The following SAMMSON variants were observed in gnomAD, a reference collection of about 807,000 sequenced individuals.
The protein encoded by SAMMSON is long intergenic non-protein coding RNA 1212.
chr3:70,418,855 TTA>T (rs1399456471), intron 2 of SAMMSON, among the ~76,000 whole-genome samples: 1 of 152,152 alleles, frequency 6.6e-6, no homozygotes, highest in Non-Finnish European at 1.5e-5. Context: ...GTCAAAAATA[TTA>T]TCTTTTTTGA....
chr3:70,018,221 T>C (rs1450549302), intron 3 of SAMMSON, among the ~76,000 whole-genome samples: 1 of 152,178 alleles, frequency 6.6e-6, no homozygotes, highest in Admixed American at 6.5e-5. Flanking sequence ...TTCTGGACTT[T>C]TTTTGTTGGT....
chr3:70,359,193 T>C (rs1195303129), intron 9 of SAMMSON, among the ~76,000 whole-genome samples: 1 of 152,150 alleles, frequency 6.6e-6, no homozygotes, highest in Non-Finnish European at 1.5e-5. Context: ...ATACACACTT[T>C]GCCTCTACTT....
intron 3 of SAMMSON, among the ~76,000 whole-genome samples, chr3:70,033,189 C>G (rs548773963): frequency 2.0e-4 from 31 of 151,826 alleles, no homozygotes; most frequent in African/African-American, 7.1e-4. Context: ...TAGCAATAAC[C>G]TTGATAATGC....
chr3:70,381,655 A>G (rs1316512846), intron 9 of SAMMSON, among the ~76,000 whole-genome samples: 1 of 152,150 alleles, frequency 6.6e-6, no homozygotes, highest in Non-Finnish European at 1.5e-5. Flanking sequence ...GCTGGGTGTA[A>G]TGAACAGATT....
At chr3:70,022,445 A>G (rs67111779) in intron 3 of SAMMSON, among the ~76,000 whole-genome samples, 8,407 of 150,826 alleles carry the variant, frequency 0.056, 341 homozygotes, top group South Asian at 0.13. Context: ...AAAAAAAAAA[A>G]AAAAAGAAAT....
intron 4 of SAMMSON, among the ~76,000 whole-genome samples, chr3:70,146,804 C>A (rs1576134884): frequency 6.6e-6 from 1 of 151,958 alleles, no homozygotes; most frequent in Non-Finnish European, 1.5e-5. Flanking sequence ...CATCACACTG[C>A]AAACCAAGCT....
At chr3:70,227,248 C>G (rs1701516729) in intron 4 of SAMMSON, among the ~76,000 whole-genome samples, 1 of 152,166 alleles carries the variant, frequency 6.6e-6, no homozygotes, top group Non-Finnish European at 1.5e-5. Flanking sequence ...TCTCACTGTT[C>G]TTTTTAAAAT....
At chr3:70,292,345 A>G (rs1184320324) in intron 7 of SAMMSON, among the ~76,000 whole-genome samples, 2 of 152,144 alleles carry the variant, frequency 1.3e-5, no homozygotes, top group African/African-American at 2.4e-5. Flanking sequence ...AGCCATTACT[A>G]TACATATCTT....
At chr3:70,163,537 T>A (rs2067624951) in intron 4 of SAMMSON, among the ~76,000 whole-genome samples, 1 of 151,978 alleles carries the variant, frequency 6.6e-6, no homozygotes, top group African/African-American at 2.4e-5. Context: ...ATAAATTACA[T>A]GAAATACTTA....
chr3:70,025,297 T>A (rs1261210115), intron 3 of SAMMSON: 1 of 152,214 alleles, frequency 6.6e-6, no homozygotes, highest in East Asian at 1.9e-4. Context: ...TAGGCTGGAG[T>A]GCAGAGGCAC....
At chr3:70,024,992 G>A (rs955356448) in intron 3 of SAMMSON, 12 of 152,144 alleles carry the variant, frequency 7.9e-5, no homozygotes, top group African/African-American at 2.9e-4. Flanking sequence ...GGTGAAAGGG[G>A]AGAAGATGGG....
chr3:70,245,483 T>C (rs1169095009), intron 4 of SAMMSON, among the ~76,000 whole-genome samples: 2 of 151,550 alleles, frequency 1.3e-5, no homozygotes, highest in South Asian at 4.1e-4. Flanking sequence ...ATGGCCTCTT[T>C]AAATGACTTT....
chr3:70,156,907 A>C (rs565477307), intron 4 of SAMMSON, among the ~76,000 whole-genome samples: 38 of 152,240 alleles, frequency 2.5e-4, no homozygotes, highest in African/African-American at 8.9e-4. Flanking sequence ...TGTTTGCAGT[A>C]TTTTGAGAGA....
intron 7 of SAMMSON, among the ~76,000 whole-genome samples, chr3:70,326,483 G>A (rs1461151968): frequency 6.6e-6 from 1 of 152,122 alleles, no homozygotes; most frequent in African/African-American, 2.4e-5. Context: ...TATTATTGTT[G>A]TTGTGCAGCC....
intron 4 of SAMMSON, among the ~76,000 whole-genome samples, chr3:70,088,701 A>G (rs1217162886): frequency 6.6e-6 from 1 of 152,152 alleles, no homozygotes; most frequent in Non-Finnish European, 1.5e-5. Context: ...ATATTTCTAT[A>G]ATAGTTTTGT....
intron 7 of SAMMSON, among the ~76,000 whole-genome samples, chr3:70,341,985 G>A (rs1042233657): frequency 6.6e-6 from 1 of 152,174 alleles, no homozygotes; most frequent in African/African-American, 2.4e-5. Context: ...TGCTTACATG[G>A]TTATTGGAGC....
intron 4 of SAMMSON, among the ~76,000 whole-genome samples, chr3:70,086,726 C>G (rs140653130): frequency 0.012 from 1,752 of 152,278 alleles, 17 homozygotes; most frequent in Non-Finnish European, 0.017. Flanking sequence ...TTTCAAATGT[C>G]CTTGCTGGAG....
chr3:70,236,597 G>C lies in SAMMSON; in HGVS notation n.508-12510G>C, dbSNP rs1042214635. Among the ~76,000 whole-genome samples the C allele has an allele frequency of 3.3e-5, 5 of 152,016 alleles. 1 individual carries two copies. In the South Asian group the frequency reaches 1.0e-3, roughly 32 times the overall value. ...CTGTAAATTGACCCTTATTTTACTA[G>C]AAAACTTTTTTTTTCTGAGACAGGG... On this transcript the variant is annotated intron_variant and non_coding_transcript_variant, in intron 4 of 9. Transcript: ENST00000642114.
At chr3:70,033,171 A>G (rs1342390686) in intron 3 of SAMMSON, among the ~76,000 whole-genome samples, 2 of 152,118 alleles carry the variant, frequency 1.3e-5, no homozygotes, top group East Asian at 3.8e-4. Context: ...AGGCCCTAAC[A>G]TTGTCTATAG....
Sources: gnomAD v4.1 joint callset for allele counts (sites outside exome capture counted in the v4.1 genomes callset) on GRCh38, gnomAD v4.1.1 for gene constraint, MANE v1.5 for transcripts, NCBI Gene and HGNC (gene_info 2026-07-23, HGNC 2026-07-21) for gene names.